Variants in EPG5 observed in about 807,000 individuals in gnomAD.
EPG5 encodes the protein ectopic P granules protein 5 homolog.
Under a neutral mutation model 302.7 loss-of-function variants are expected in EPG5, and 159 were observed. The ratio of observed to expected loss-of-function variants is 0.53; its 90% CI spans 0.46 to 0.60. EPG5 has a LOEUF of 0.60. Among genes scored for constraint, EPG5 ranks in the 20% least tolerant of loss-of-function variants. The pLI is 0.00. For synonymous variants in EPG5, 1,158 were observed against 1,136.8 expected, an observed-to-expected ratio of 1.02 and a Z score of -0.37; for missense variants, 2,896 against 3,092.4, an observed-to-expected ratio of 0.94 and a Z score of 1.51.
chr18:45,879,740 T>C (rs2145400132), intron 32 of EPG5, among the ~76,000 whole-genome samples: 1 of 152,280 alleles, frequency 6.6e-6, no homozygotes, highest in East Asian at 1.9e-4. Flanking sequence ...CAAATGCATA[T>C]CAAACAGAAA....
chr18:45,944,195 T>G, intron 7 of EPG5, 76 bp from the exon 8 acceptor site: 1 of 871,936 alleles, frequency 1.1e-6, no homozygotes, highest in African/African-American at 1.7e-5. Context: ...AGGAGCTAAA[T>G]TATCACAGGT....
intron 39 of EPG5, among the ~76,000 whole-genome samples, chr18:45,864,109 T>G (rs2048691538): frequency 6.6e-6 from 1 of 152,164 alleles, no homozygotes; most frequent in South Asian, 2.1e-4. Context: ...ACTTTCGTAT[T>G]CTTTTTATTT....
chr18:45,918,403 C>CA (rs2050079418), intron 16 of EPG5, among the ~76,000 whole-genome samples: 1 of 152,130 alleles, frequency 6.6e-6, no homozygotes, highest in African/African-American at 2.4e-5. Context: ...TGTCAGAACT[C>CA]AAAGTTTCAG....
the EPG5 span, among the ~76,000 whole-genome samples, chr18:45,805,089 A>G: frequency 6.6e-6 from 1 of 152,118 alleles, no homozygotes; most frequent in East Asian, 1.9e-4. Flanking sequence ...ACAATAATAT[A>G]TAGAAAAAAC....
intron 10 of EPG5, among the ~76,000 whole-genome samples, chr18:45,937,045 G>A (rs569420135): frequency 2.0e-5 from 3 of 151,894 alleles, no homozygotes; most frequent in Admixed American, 6.6e-5. Context: ...GGTCAGTTGG[G>A]CCAGGTTTCT....
intron 4 of EPG5, among the ~76,000 whole-genome samples, chr18:45,950,747 T>C (rs2050889440): frequency 6.6e-6 from 1 of 152,230 alleles, no homozygotes; most frequent in South Asian, 2.1e-4. Flanking sequence ...CTCAAAAAGT[T>C]TGGAATTTTG....
intron 23 of EPG5, among the ~76,000 whole-genome samples, chr18:45,908,578 G>A (rs2049814923): frequency 6.6e-6 from 1 of 152,166 alleles, no homozygotes; most frequent in Non-Finnish European, 1.5e-5. Context: ...TCCCACCTCA[G>A]AGAATCGCAA....
In EPG5 at chr18:45,852,324, TA is replaced by T; in HGVS notation, c.*142del. 1.5e-6 allele frequency: 1 copy of T among 680,594 alleles called. No homozygotes were observed. Among genetic ancestry groups the T allele is most frequent in the Non-Finnish European group, 2.5e-6 (1 of 406,472 alleles). The allele number at this position is 680,594 out of a possible 1,614,324, so 42.2% of individuals were successfully genotyped here. A position where few individuals can be genotyped will look rare whatever the true frequency, so the allele number is the denominator to read the frequency against. ...ACACACCCCAAAATTATCTAATATC[TA>T]ACGCCTCCCAACTTGCATCTCAGTC... On this transcript the variant is annotated 3_prime_UTR_variant, in exon 44 of 44. Coordinates refer to ENST00000282041, the MANE Select transcript of EPG5 (RefSeq NM_020964.3).
intron 36 of EPG5, chr18:45,868,141 T>C (rs1296838099): frequency 6.6e-6 from 3 of 457,554 alleles, no homozygotes; most frequent in East Asian, 1.4e-4. Context: ...CAAACTTAAG[T>C]GTGCATCAGA....
chr18:45,901,298 G>T, intron 25 of EPG5, 131 bp from the exon 26 acceptor site: 1 of 752,150 alleles, frequency 1.3e-6, no homozygotes, highest in Non-Finnish European at 2.1e-6. Context: ...AAGAGTTAAA[G>T]CTCATGATCT....
At chr18:45,950,884 T>A (rs1358614554) in intron 4 of EPG5, among the ~76,000 whole-genome samples, 1 of 152,220 alleles carries the variant, frequency 6.6e-6, no homozygotes, top group Non-Finnish European at 1.5e-5. Flanking sequence ...AGAGTTCATT[T>A]AGCATAATCT....
At position 45,854,338 on chromosome 18, in the gene EPG5, T is replaced by C. The variant is rs146148520; in HGVS notation, c.7557+1235A>G. ...GCTCTTAATAACCAAGATCTGACAT[T>C]GCATGTGGCTGGCTTAGACATGACA... On this transcript the variant is annotated intron_variant, in intron 43 of 43. Coordinates refer to ENST00000282041, the MANE Select transcript of EPG5 (RefSeq NM_020964.3). 3.9e-3 allele frequency among the ~76,000 whole-genome samples: 596 copies of C among 152,346 alleles called. 7 individuals carry two copies. The highest frequency in any genetic ancestry group is 0.013 in the African/African-American group (553 of 41,590).
chr18:45,841,238 G>A, the EPG5 span: 1 of 153,134 alleles, frequency 6.5e-6, no homozygotes, highest in African/African-American at 2.4e-5. Flanking sequence ...CCTGAGGATG[G>A]AGGCTGGGGC....
the EPG5 span, among the ~76,000 whole-genome samples, chr18:45,827,953 C>A: frequency 6.6e-6 from 1 of 152,228 alleles, no homozygotes; most frequent in African/African-American, 2.4e-5. Flanking sequence ...CCAAGCCACT[C>A]GCGTGAGCCG....
chr18:45,926,323 G>C (rs1417643716), intron 13 of EPG5, among the ~76,000 whole-genome samples: 2 of 152,114 alleles, frequency 1.3e-5, no homozygotes, highest in African/African-American at 4.8e-5. Flanking sequence ...CGGGGGTGGG[G>C]TGAGTGGGAG....
chr18:45,952,734 T>A, intron 2 of EPG5, 91 bp from the exon 3 acceptor site: 2 of 1,344,822 alleles, frequency 1.5e-6, no homozygotes, highest in Non-Finnish European at 2.1e-6. Context: ...CAGGCTTCAG[T>A]ACCATCTTCA....
chr18:45,837,688 T>C, the EPG5 span: 2 of 1,478,118 alleles, frequency 1.4e-6, no homozygotes, highest in South Asian at 1.3e-5. Context: ...TCCGCTGCGC[T>C]GCGGCGCGGG....
intron 16 of EPG5, among the ~76,000 whole-genome samples, chr18:45,919,498 G>A (rs961744762): frequency 6.6e-6 from 1 of 151,592 alleles, no homozygotes; most frequent in African/African-American, 2.4e-5. Flanking sequence ...ACTGTTCTAG[G>A]CATGTTACAT....
At chr18:45,961,659 G>A (rs1399808320) in intron 1 of EPG5, among the ~76,000 whole-genome samples, 8 of 152,192 alleles carry the variant, frequency 5.3e-5, no homozygotes, top group South Asian at 2.1e-4. Context: ...TCAGGAGTTC[G>A]AGACCAGCCT....
Sources: gnomAD v4.1 joint callset for allele counts (sites outside exome capture counted in the v4.1 genomes callset) on GRCh38, gnomAD v4.1.1 for gene constraint, MANE v1.5 for transcripts, NCBI Gene and HGNC (gene_info 2026-07-23, HGNC 2026-07-21) for gene names.